The following AGAP9 variants were observed in gnomAD, a reference collection of about 807,000 sequenced individuals.
The protein encoded by AGAP9 is arf-GAP with GTPase, ANK repeat and PH domain-containing protein 9.
In AGAP9, 23 loss-of-function variants were observed where a neutral mutation model predicts 55.6. That is an observed-to-expected ratio of 0.41 (90% CI 0.30 to 0.59). The LOEUF is 0.59. Among genes scored for constraint, AGAP9 ranks in the 20% least tolerant of loss-of-function variants. AGAP9 has a pLI of 0.25. For missense variants in AGAP9, 309 were observed against 808.1 expected, an observed-to-expected ratio of 0.38 and a Z score of 7.49; for synonymous variants, 120 against 305.0, an observed-to-expected ratio of 0.39 and a Z score of 6.32.
intron 2 of AGAP9, among the ~76,000 whole-genome samples, chr10:47,521,579 AT>A (rs1375155333): frequency 7.0e-6 from 1 of 142,694 alleles, no homozygotes; most frequent in Non-Finnish European, 1.5e-5. Context: ...AGCCAACTGG[AT>A]TTAATATGTT....
rs1840690390 is a variant in AGAP9 at position 47,514,366 on chromosome 10, T to C, written c.396+3457A>G. 2.0e-5 allele frequency among the ~76,000 whole-genome samples: 3 copies of C among 148,462 alleles called. 1 individual carries two copies. Among genetic ancestry groups the C allele is most frequent in the African/African-American group, 7.7e-5 (3 of 38,806 alleles). On this transcript the variant is annotated intron_variant, in intron 4 of 7. Coordinates refer to ENST00000452145, the MANE Select transcript of AGAP9 (RefSeq NM_001190810.1). Reference sequence around the variant, plus strand: ...TTATTCTAAGTGAAATAACTCAGCATGGAAAACCAAATATCATGTTCTCTT... The same window carrying C: ...TTATTCTAAGTGAAATAACTCAGCACGGAAAACCAAATATCATGTTCTCTT...
At chr10:47,506,834 T>C (rs1160465479) in intron 6 of AGAP9, among the ~76,000 whole-genome samples, 1 of 138,466 alleles carries the variant, frequency 7.2e-6, no homozygotes, top group African/African-American at 2.6e-5. Context: ...AGAGACGGGG[T>C]TTCGCCGTGT....
chr10:47,512,932 TG>T (rs1193325486), intron 4 of AGAP9, among the ~76,000 whole-genome samples: 1 of 119,512 alleles, frequency 8.4e-6, no homozygotes, highest in African/African-American at 3.5e-5. Flanking sequence ...TGTGATTTTT[TG>T]TTTTTAATTC....
In AGAP9 at chr10:47,502,974, G is replaced by C. The variant is rs1284310689; in HGVS notation, c.1155C>G (p.Thr385=). 3 of 1,564,062 alleles carry C rather than the reference G, an allele frequency of 1.9e-6. 1 individual carries two copies. The highest frequency in any genetic ancestry group is 1.8e-4 in the Middle Eastern group (1 of 5,580). The change falls in exon 8 of 8, where the codon ACC becomes ACG. Residue 385 remains threonine, a synonymous_variant. Transcript: ENST00000452145. ...ICFSPGISST[T]SPKLNPPPSP... is the part of the protein sequence containing the mutation. ...AGGGGGGCGGGTTGAGCTTGGGGCT[G>C]GTGGTGCTGGAGATACCGGGGCTGA...
intron 4 of AGAP9, among the ~76,000 whole-genome samples, chr10:47,510,927 A>T (rs1276297889): frequency 2.3e-4 from 31 of 132,618 alleles, no homozygotes; most frequent in Admixed American, 8.5e-4. Context: ...TTAATTAATT[A>T]ATTAATTAAT....
intron 4 of AGAP9, among the ~76,000 whole-genome samples, chr10:47,513,516 T>A (rs1163988766): frequency 7.1e-6 from 1 of 141,746 alleles, no homozygotes; most frequent in Non-Finnish European, 1.5e-5. Flanking sequence ...CCATCCTTCT[T>A]CACAGAACTA....
At chr10:47,515,941 G>A (rs1840708653) in intron 4 of AGAP9, among the ~76,000 whole-genome samples, 1 of 122,692 alleles carries the variant, frequency 8.2e-6, no homozygotes, top group Non-Finnish European at 1.7e-5. Context: ...CAAGAAAAGA[G>A]ATCAAAACAA....
intron 5 of AGAP9, among the ~76,000 whole-genome samples, chr10:47,508,078 G>T (rs1409360781): frequency 2.3e-5 from 3 of 130,996 alleles, no homozygotes; most frequent in South Asian, 2.6e-4. Context: ...TTTTGGGGGG[G>T]TGGTGGGTGG....
chr10:47,517,556 G>A (rs1158068411), intron 4 of AGAP9, among the ~76,000 whole-genome samples: 2 of 143,894 alleles, frequency 1.4e-5, no homozygotes, highest in Admixed American at 1.4e-4. Context: ...ACAGACGTTA[G>A]CCACCATGCC....
rs1555225376 is a variant in AGAP9 at position 47,510,935 on chromosome 10, A to ATTT, written c.397-665_397-664insAAA. ...ATTTCTATTAATTAATTAATTAATT[A>ATTT]ATTTATTTATTTATTTATTTATTTT... On this transcript the variant is annotated intron_variant, in intron 4 of 7. Coordinates refer to ENST00000452145, the MANE Select transcript of AGAP9 (RefSeq NM_001190810.1). Among the ~76,000 whole-genome samples, 400 of 113,462 alleles carry ATTT rather than the reference A, an allele frequency of 3.5e-3. 10 individuals are homozygous for ATTT. Among genetic ancestry groups the ATTT allele is most frequent in the Non-Finnish European group, 4.9e-3 (274 of 55,930 alleles). The allele number at this position is 113,462 out of a possible 152,430, so 74.4% of individuals were successfully genotyped here.
chr10:47,507,880 A>G, intron 5 of AGAP9, among the ~76,000 whole-genome samples: 1 of 99,464 alleles, frequency 1.0e-5, no homozygotes, highest in African/African-American at 3.9e-5. Context: ...CTTTCGTCCC[A>G]TGCGATTTAT....
rs1224751521 is a variant in AGAP9, at chr10:47,508,123, G to A, written c.498-540C>T. On this transcript the variant is annotated intron_variant, in intron 5 of 7. Transcript: ENST00000452145. ...CTTGTTGCCCAGGCTGGAGTGCAAT[G>A]GTGTGATCTCGGCTCACCACAACCT... 1.7e-5 allele frequency among the ~76,000 whole-genome samples: 2 copies of A among 121,042 alleles called. 1 individual carries two copies. Among genetic ancestry groups the A allele is most frequent in the African/African-American group, 6.1e-5 (2 of 32,954 alleles). The allele number at this position is 121,042 out of a possible 152,430, so 79.4% of individuals were successfully genotyped here.
chr10:47,510,485 C>T (rs1180108878), intron 4 of AGAP9, among the ~76,000 whole-genome samples: 2 of 133,808 alleles, frequency 1.5e-5, no homozygotes, highest in Non-Finnish European at 3.2e-5. Context: ...TAATATGGTA[C>T]CTGTCATCAA....
At chr10:47,508,030 G>A (rs1840519456) in intron 5 of AGAP9, among the ~76,000 whole-genome samples, 1 of 129,656 alleles carries the variant, frequency 7.7e-6, no homozygotes, top group South Asian at 2.6e-4. Flanking sequence ...AAGAAGCTGG[G>A]ACTACAAGTT....
chr10:47,521,530 T>C (rs1840836732), intron 2 of AGAP9, among the ~76,000 whole-genome samples: 1 of 140,964 alleles, frequency 7.1e-6, no homozygotes, highest in African/African-American at 2.6e-5. Flanking sequence ...ACATTTCCTC[T>C]AGAGTAATGA....
chr10:47,503,827 G>A (rs1453774343), intron 7 of AGAP9, among the ~76,000 whole-genome samples: 108 of 120,304 alleles, frequency 9.0e-4, no homozygotes, highest in African/African-American at 3.6e-3. Context: ...CCAGTTACTC[G>A]GGAGGCTGAG....
chr10:47,509,932 A>G lies in AGAP9; in HGVS notation c.497+239T>C, dbSNP rs1337309831. Reference sequence around the variant, plus strand: ...CTTCTCACTGTGTTCAACATTGTCTAAAGGCATAAAGACATCAAAAAGACA... The same window carrying G: ...CTTCTCACTGTGTTCAACATTGTCTGAAGGCATAAAGACATCAAAAAGACA... On this transcript the variant is annotated intron_variant, in intron 5 of 7. Transcript: ENST00000452145. Among the ~76,000 whole-genome samples, 117 of 141,982 alleles carry G rather than the reference A, an allele frequency of 8.2e-4. 14 individuals carry two copies. The highest frequency in any genetic ancestry group is 3.2e-4 in the Non-Finnish European group (21 of 65,260). The allele number at this position is 141,982 out of a possible 152,430, so 93.1% of individuals were successfully genotyped here. A position where few individuals can be genotyped will look rare whatever the true frequency, so the allele number is the denominator to read the frequency against.
chr10:47,503,937 C>CAAAAAAAAAAAAAAAAAAAAAAAAAA (rs1186798630), intron 7 of AGAP9, among the ~76,000 whole-genome samples: 1 of 23,442 alleles, frequency 4.3e-5, no homozygotes, highest in Admixed American at 6.9e-4. Flanking sequence ...GAGAGTCCAT[C>CAAAAAAAAAAAAAAAAAAAAAAAAAA]AAAAAAAAAA....
rs1434760894 is a variant in AGAP9, at chr10:47,506,539, G to A, written c.533+1009C>T. Reference sequence around the variant, plus strand: ...AGAGGCGGGTTTTACCATGTTGGTCGGGCTGGTCTCAAACTCCTGACCTCA... The same window carrying A: ...AGAGGCGGGTTTTACCATGTTGGTCAGGCTGGTCTCAAACTCCTGACCTCA... On this transcript the variant is annotated intron_variant, in intron 6 of 7. Coordinates refer to ENST00000452145, the MANE Select transcript of AGAP9 (RefSeq NM_001190810.1). Among the ~76,000 whole-genome samples the A allele has an allele frequency of 4.3e-5, 6 of 141,040 alleles. 1 individual carries two copies. The highest frequency in any genetic ancestry group is 2.9e-4 in the East Asian group (1 of 3,422). The allele number at this position is 141,040 out of a possible 152,430, so 92.5% of individuals were successfully genotyped here. A position where few individuals can be genotyped will look rare whatever the true frequency, so the allele number is the denominator to read the frequency against.
Sources: allele counts gnomAD v4.1 joint callset (sites outside exome capture counted in the v4.1 genomes callset), GRCh38; gene constraint gnomAD v4.1.1; transcripts MANE v1.5; gene names NCBI Gene and HGNC (gene_info 2026-07-23, HGNC 2026-07-21).